LRP1B: variants seen among roughly 807,000 people sequenced by gnomAD.
LRP1B encodes the protein low-density lipoprotein receptor-related protein 1B.
Under a neutral mutation model 556.6 loss-of-function variants are expected in LRP1B, and 217 were observed. The ratio of observed to expected loss-of-function variants is 0.39; its 90% CI spans 0.35 to 0.44. The LOEUF is 0.44. LRP1B is among the 20% of genes least tolerant of loss of function. The pLI is 1.00. For synonymous variants in LRP1B, 2,047 were observed against 1,865.8 expected, an observed-to-expected ratio of 1.10 and a Z score of -2.50; for missense variants, 5,053 against 5,620.8, an observed-to-expected ratio of 0.90 and a Z score of 3.23.
chr2:141,153,096 G>A (rs557927137), intron 7 of LRP1B, among the ~76,000 whole-genome samples: 11 of 147,862 alleles, frequency 7.4e-5, no homozygotes, highest in African/African-American at 2.7e-4. Flanking sequence ...TTTAAATGGT[G>A]GCAAAAGATC....
intron 1 of LRP1B, among the ~76,000 whole-genome samples, chr2:142,060,448 G>A (rs1049530290): frequency 1.1e-4 from 16 of 152,070 alleles, no homozygotes; most frequent in Admixed American, 9.2e-4. Context: ...GTCTGCCTCT[G>A]CTGATCCACC....
intron 41 of LRP1B, among the ~76,000 whole-genome samples, chr2:140,617,323 A>G (rs1683291954): frequency 6.6e-6 from 1 of 151,982 alleles, no homozygotes; most frequent in Non-Finnish European, 1.5e-5. Context: ...TTTATGGAAA[A>G]GGTGATACCT....
At chr2:141,243,004 C>T (rs180887984) in intron 5 of LRP1B, among the ~76,000 whole-genome samples, 2 of 152,142 alleles carry the variant, frequency 1.3e-5, no homozygotes, top group African/African-American at 4.8e-5. Context: ...AAAAGAAAGT[C>T]AAATTTTAAA....
chr2:142,037,903 T>C (rs1703940568), intron 1 of LRP1B, among the ~76,000 whole-genome samples: 1 of 151,532 alleles, frequency 6.6e-6, no homozygotes, highest in Non-Finnish European at 1.5e-5. Context: ...GATTTCCTGT[T>C]AGCTCCTCTG....
chr2:141,586,652 G>A (rs1687144218), intron 2 of LRP1B, among the ~76,000 whole-genome samples: 1 of 152,030 alleles, frequency 6.6e-6, no homozygotes, highest in Non-Finnish European at 1.5e-5. Flanking sequence ...GCATTAAAGA[G>A]AGAAAGGGGG....
chr2:141,916,676 C>T (rs999434768), intron 1 of LRP1B, among the ~76,000 whole-genome samples: 7 of 151,946 alleles, frequency 4.6e-5, no homozygotes, highest in Non-Finnish European at 8.8e-5. Context: ...GCCACCGCGC[C>T]CGGCCCCACA....
At chr2:141,802,544 G>A (rs900782321) in intron 2 of LRP1B, among the ~76,000 whole-genome samples, 3 of 152,038 alleles carry the variant, frequency 2.0e-5, no homozygotes, top group Admixed American at 2.0e-4. Flanking sequence ...CTGATGAGAT[G>A]CTTTGTCCTA....
At chr2:141,740,590 G>A (rs1693659754) in intron 2 of LRP1B, among the ~76,000 whole-genome samples, 1 of 152,128 alleles carries the variant, frequency 6.6e-6, no homozygotes, top group Non-Finnish European at 1.5e-5. Flanking sequence ...GTTACAAACT[G>A]TCCAATTATA....
At position 141,514,972 on chromosome 2, in the gene LRP1B, G is replaced by A. The variant is rs182057242; in HGVS notation, c.206-34439C>T. ...TCTTTTGAGAGGAAACCTGGTCATG[G>A]GTCAGACACTTAGGCGTTAGGCCAC... On this transcript the variant is annotated intron_variant, in intron 2 of 90. Transcript: ENST00000389484. 4.6e-5 allele frequency among the ~76,000 whole-genome samples: 7 copies of A among 150,872 alleles called. No individual in the cohort carries two copies. The Admixed American group carries it at 4.7e-4, about 10-fold the overall frequency.
chr2:141,112,279 C>G (rs1296188024), intron 7 of LRP1B, among the ~76,000 whole-genome samples: 2 of 152,056 alleles, frequency 1.3e-5, no homozygotes, highest in Non-Finnish European at 2.9e-5. Context: ...TGCCCATTTT[C>G]CCTGCTGAGG....
chr2:140,424,280 G>T (rs989437650), intron 66 of LRP1B, among the ~76,000 whole-genome samples: 1 of 152,072 alleles, frequency 6.6e-6, no homozygotes, highest in South Asian at 2.1e-4. Flanking sequence ...TTAAAATTAC[G>T]AAGTATTTAA....
Position 141,705,437 on chromosome 2 carries a change from C to T in LRP1B, c.205+104842G>A, listed in dbSNP as rs142718626. Among the ~76,000 whole-genome samples the T allele has an allele frequency of 3.7e-4, 56 of 152,062 alleles. No homozygotes were observed. In the East Asian group the frequency reaches 0.01, roughly 28 times the overall value. ...TAAATGTTCCATGTCCCAGAATCTCCTGAGTACTGGGAAAATCATGAAGGT... is the reference window on the plus strand; with the variant it reads ...TAAATGTTCCATGTCCCAGAATCTCTTGAGTACTGGGAAAATCATGAAGGT... On this transcript the variant is annotated intron_variant, in intron 2 of 90. Coordinates refer to ENST00000389484, the MANE Select transcript of LRP1B (RefSeq NM_018557.3).
chr2:140,255,446 C>T (rs886273687), intron 86 of LRP1B, among the ~76,000 whole-genome samples: 23 of 152,138 alleles, frequency 1.5e-4, no homozygotes, highest in African/African-American at 5.3e-4. Context: ...CACTGTACAA[C>T]ACAAATATAC....
intron 32 of LRP1B, among the ~76,000 whole-genome samples, chr2:140,786,383 T>C (rs1689900761): frequency 6.6e-6 from 1 of 152,244 alleles, no homozygotes; most frequent in African/African-American, 2.4e-5. Flanking sequence ...TTTATAATTA[T>C]GTTGGAGCCA....
In LRP1B at chr2:141,801,049, C is replaced by T. The variant is rs183279828; in HGVS notation, c.205+9230G>A. On this transcript the variant is annotated intron_variant, in intron 2 of 90. Transcript: ENST00000389484. ...AAATGTAACAAAATTCTGCAAAAGCCCTTGTGGAGAAAGAAACATTTCTTT... is the reference window on the plus strand; with the variant it reads ...AAATGTAACAAAATTCTGCAAAAGCTCTTGTGGAGAAAGAAACATTTCTTT... Among the ~76,000 whole-genome samples, 165 of 152,106 alleles carry T rather than the reference C, an allele frequency of 1.1e-3. 2 individuals carry two copies. The highest frequency in any genetic ancestry group is 6.0e-3 in the East Asian group (31 of 5,180).
At chr2:140,294,948 C>T (rs1053117144) in intron 84 of LRP1B, among the ~76,000 whole-genome samples, 5 of 152,130 alleles carry the variant, frequency 3.3e-5, no homozygotes, top group African/African-American at 1.2e-4. Flanking sequence ...GTGATCTCGG[C>T]TCACTGCAAG....
At chr2:142,031,699 ACT>A (rs940572915) in intron 1 of LRP1B, among the ~76,000 whole-genome samples, 2 of 150,586 alleles carry the variant, frequency 1.3e-5, no homozygotes, top group East Asian at 2.0e-4. Context: ...GCCTTTCCAA[ACT>A]CTCTACGTCC....
chr2:142,053,732 A>C (rs1704555855), intron 1 of LRP1B, among the ~76,000 whole-genome samples: 1 of 152,148 alleles, frequency 6.6e-6, no homozygotes, highest in Non-Finnish European at 1.5e-5. Flanking sequence ...GCCACTAATT[A>C]ATTCCAAAAA....
intron 2 of LRP1B, among the ~76,000 whole-genome samples, chr2:141,797,606 A>G (rs553353624): frequency 6.6e-6 from 1 of 152,200 alleles, no homozygotes; most frequent in South Asian, 2.1e-4. Context: ...ATTGTTTTCT[A>G]AGTCCTTTTC....
Sources: gnomAD v4.1 joint callset for allele counts (sites outside exome capture counted in the v4.1 genomes callset) on GRCh38, gnomAD v4.1.1 for gene constraint, MANE v1.5 for transcripts, NCBI Gene and HGNC (gene_info 2026-07-23, HGNC 2026-07-21) for gene names.